ADCK1: variants seen among roughly 807,000 people sequenced by gnomAD.
The protein encoded by ADCK1 is aarF domain-containing protein kinase 1.
ADCK1 carries 41 observed loss-of-function variants against 52.3 expected under a neutral mutation model. The observed-to-expected ratio is 0.78, with a 90% confidence interval of 0.61 to 1.02. The LOEUF (loss-of-function observed/expected upper bound fraction) is 1.02, where lower values mean the gene tolerates loss of function less well. ADCK1 is among the 50% of genes least tolerant of loss of function. ADCK1 has a pLI of 0.00. For missense variants in ADCK1, 658 were observed against 679.5 expected (o/e 0.97, Z 0.35); for synonymous variants, 250 against 274.6 (o/e 0.91, Z 0.89).
In ADCK1 at chr14:77,899,026, C is replaced by T. The variant is rs138272663; in HGVS notation, c.583-74C>T. 1.0e-5 allele frequency: 16 copies of T among 1,584,024 alleles called. 1 individual carries two copies. In the African/African-American group the frequency reaches 2.0e-4, roughly 20 times the overall value. On this transcript the variant is annotated intron_variant, in intron 5 of 10. Coordinates refer to ENST00000238561, the MANE Select transcript of ADCK1 (RefSeq NM_020421.4). ...CAGTTTCCCTTACTCTAGGGGAGAA[C>T]CAGGCAGGAAGGTAGGGAATGTCCC...
chr14:77,842,460 C>A (rs1244732408), intron 3 of ADCK1, among the ~76,000 whole-genome samples: 29 of 45,246 alleles, frequency 6.4e-4, no homozygotes, highest in African/African-American at 1.4e-3. Context: ...TCCTTCCTTC[C>A]TTCCTTCCTT....
intron 7 of ADCK1, among the ~76,000 whole-genome samples, chr14:77,914,947 C>A (rs1243913204): frequency 6.6e-6 from 1 of 152,070 alleles, no homozygotes; most frequent in Non-Finnish European, 1.5e-5. Flanking sequence ...CTTACCCCCA[C>A]TGTAAAAGCC....
intron 3 of ADCK1, among the ~76,000 whole-genome samples, chr14:77,854,408 G>A (rs1003766155): frequency 6.6e-6 from 1 of 152,316 alleles, no homozygotes; most frequent in South Asian, 2.1e-4. Flanking sequence ...CCCCAAGGGA[G>A]TATAGTTAGA....
intron 4 of ADCK1, among the ~76,000 whole-genome samples, chr14:77,868,781 A>G (rs1395686625): frequency 6.6e-6 from 1 of 152,174 alleles, no homozygotes; most frequent in Non-Finnish European, 1.5e-5. Context: ...TTGCTTACCT[A>G]GAGAATACAG....
intron 3 of ADCK1, among the ~76,000 whole-genome samples, chr14:77,836,784 T>C (rs988711315): frequency 1.4e-4 from 20 of 147,574 alleles, no homozygotes; most frequent in Non-Finnish European, 2.4e-4. Context: ...TTTTTTTTTT[T>C]TTTTTTTGAG....
intron 5 of ADCK1, among the ~76,000 whole-genome samples, chr14:77,891,880 A>C (rs1156501034): frequency 2.0e-5 from 3 of 152,218 alleles, no homozygotes; most frequent in African/African-American, 7.2e-5. Context: ...TCGTACTTGA[A>C]GTGAATATTT....
chr14:77,914,768 A>G (rs543574763), intron 7 of ADCK1, among the ~76,000 whole-genome samples: 43 of 152,320 alleles, frequency 2.8e-4, no homozygotes, highest in Middle Eastern at 3.4e-3. Context: ...TTGTAAAAAC[A>G]ATGTTACTGT....
chr14:77,906,525 G>T (rs2083669738), intron 6 of ADCK1, among the ~76,000 whole-genome samples: 1 of 152,162 alleles, frequency 6.6e-6, no homozygotes, highest in African/African-American at 2.4e-5. Context: ...TAATGCATTT[G>T]TCTGTAGGCA....
At chr14:77,900,451 GT>G (rs746780579) in intron 6 of ADCK1, 40 of 349,136 alleles carry the variant, frequency 1.1e-4, no homozygotes, top group Non-Finnish European at 1.9e-4. Flanking sequence ...GCTGGGCATG[GT>G]GGTGCACTCC....
chr14:77,825,653 T>A lies in ADCK1; in HGVS notation c.219+3135T>A, dbSNP rs543267136. On this transcript the variant is annotated intron_variant, in intron 3 of 10. Coordinates refer to ENST00000238561, the MANE Select transcript of ADCK1 (RefSeq NM_020421.4). The stretch of plus-strand genomic sequence containing the variant: ...ATGAAATGTTAGGTTTTTTTTTTTT[T>A]TTTTGAGACGGAGTTTTTGCTCTTG... 3.0e-3 allele frequency among the ~76,000 whole-genome samples: 457 copies of A among 151,870 alleles called. 3 individuals are homozygous for A. Among genetic ancestry groups the A allele is most frequent in the Non-Finnish European group, 4.4e-3 (299 of 67,918 alleles).
At chr14:77,926,041 A>G (rs2084186421) in intron 9 of ADCK1, 80 bp downstream of exon 9, 1 of 1,536,324 alleles carries the variant, frequency 6.5e-7, no homozygotes, top group East Asian at 2.2e-5. Context: ...CCTTCCAAGT[A>G]AGGTCTAAGA....
intron 7 of ADCK1, among the ~76,000 whole-genome samples, chr14:77,909,197 G>T (rs1046884520): frequency 2.7e-5 from 4 of 147,236 alleles, no homozygotes; most frequent in Admixed American, 6.9e-5. Context: ...GTGCAATGGC[G>T]CAATCTTGGC....
intron 7 of ADCK1, among the ~76,000 whole-genome samples, chr14:77,916,954 CTCAT>C: frequency 6.6e-6 from 1 of 152,186 alleles, no homozygotes; most frequent in Non-Finnish European, 1.5e-5. Flanking sequence ...GCACTAGTGG[CTCAT>C]ACCTGTAATC....
intron 9 of ADCK1, among the ~76,000 whole-genome samples, chr14:77,928,503 C>G (rs1169689835): frequency 6.7e-6 from 1 of 149,892 alleles, no homozygotes; most frequent in Non-Finnish European, 1.5e-5. Flanking sequence ...TCTCTCTTGT[C>G]CAGGCTGGAG....
At chr14:77,813,348 T>C (rs980872987) in intron 1 of ADCK1, among the ~76,000 whole-genome samples, 2 of 152,068 alleles carry the variant, frequency 1.3e-5, no homozygotes, top group Non-Finnish European at 2.9e-5. Context: ...TGTGTTCTTG[T>C]TGCCCAGGCT....
At chr14:77,921,326 CAA>C (rs756056466) in intron 7 of ADCK1, among the ~76,000 whole-genome samples, 13 of 41,208 alleles carry the variant, frequency 3.2e-4, no homozygotes, top group South Asian at 2.4e-3. Context: ...GACTCTGTCT[CAA>C]AAAAAAAAAA....
At chr14:77,931,487 A>G (rs759715472) in intron 9 of ADCK1, 31 bp from the exon 10 acceptor site, 1 of 1,602,080 alleles carries the variant, frequency 6.2e-7, no homozygotes, top group South Asian at 1.1e-5. Context: ...CATACCAACC[A>G]TCTGTTTCTG....
intron 8 of ADCK1, 102 bp downstream of exon 8, chr14:77,924,708 T>C: frequency 6.8e-7 from 1 of 1,471,648 alleles, no homozygotes; most frequent in Non-Finnish European, 9.1e-7. Context: ...CGAGGGTAGC[T>C]GGAAAGGACC....
chr14:77,894,736 G>GTTTTTTTTTTTTATTTTTTTTT (rs2083365627), intron 5 of ADCK1, among the ~76,000 whole-genome samples: 1 of 36,484 alleles, frequency 2.7e-5, no homozygotes, highest in Non-Finnish European at 5.9e-5. Context: ...TTCTTTTCTT[G>GTTTTTTTTTTTTATTTTTTTTT]TTTTTTTTTT....
Sources: gnomAD v4.1 joint callset for allele counts (sites outside exome capture counted in the v4.1 genomes callset) on GRCh38, gnomAD v4.1.1 for gene constraint, MANE v1.5 for transcripts, NCBI Gene and HGNC (gene_info 2026-07-23, HGNC 2026-07-21) for gene names.